The following BIRC6 variants were observed in gnomAD, a reference collection of about 807,000 sequenced individuals.
BIRC6 encodes the protein baculoviral IAP repeat containing 6.
A neutral mutation model predicts 503.3 loss-of-function variants in BIRC6; 98 were observed. The ratio of observed to expected loss-of-function variants is 0.19; its 90% confidence interval spans 0.17 to 0.23. The LOEUF is 0.23. Among genes scored for constraint, BIRC6 ranks in the 10% least tolerant of loss-of-function variants. The pLI is 1.00. For missense variants in BIRC6, 5,360 were observed against 5,806.0 expected (o/e 0.92, Z 2.50); for synonymous variants, 2,240 against 2,078.7 (o/e 1.08, Z -2.11).
At chr2:32,383,212 A>G (rs2037942290) in intron 3 of BIRC6, among the ~76,000 whole-genome samples, 1 of 149,394 alleles carries the variant, frequency 6.7e-6, no homozygotes, top group Non-Finnish European at 1.5e-5. Flanking sequence ...ACGCCTGGCT[A>G]ACTTTTGTAT....
chr2:32,466,275 G>T (rs1409060383), intron 26 of BIRC6, among the ~76,000 whole-genome samples: 9 of 152,162 alleles, frequency 5.9e-5, no homozygotes, highest in Non-Finnish European at 1.2e-4. Flanking sequence ...AAAGAATTAT[G>T]ACATTATTAA....
chr2:32,375,743 C>CTCTT (rs1432305814), intron 1 of BIRC6, among the ~76,000 whole-genome samples: 3 of 138,386 alleles, frequency 2.2e-5, no homozygotes, highest in Non-Finnish European at 4.7e-5. Flanking sequence ...CTTTCTCTCT[C>CTCTT]TTTTTTTTTT....
chr2:32,594,926 T>C, intron 67 of BIRC6, 108 bp from the exon 68 acceptor site: 3 of 623,374 alleles, frequency 4.8e-6, no homozygotes, highest in Non-Finnish European at 7.7e-6. Context: ...GTTGACAATT[T>C]TTTGGAATTC....
intron 32 of BIRC6, among the ~76,000 whole-genome samples, chr2:32,471,756 CAGT>C (rs1053022292): frequency 6.6e-6 from 1 of 151,948 alleles, no homozygotes; most frequent in Non-Finnish European, 1.5e-5. Flanking sequence ...TACCTAAATC[CAGT>C]ATGTAAGCCA....
chr2:32,366,908 G>A (rs914411293), intron 1 of BIRC6, among the ~76,000 whole-genome samples: 2 of 152,076 alleles, frequency 1.3e-5, no homozygotes, highest in Admixed American at 6.6e-5. Flanking sequence ...CTTGAGTCCA[G>A]CACTTCAGGC....
At chr2:32,568,540 T>A (rs1573067810) in intron 65 of BIRC6, among the ~76,000 whole-genome samples, 1 of 151,352 alleles carries the variant, frequency 6.6e-6, no homozygotes, top group African/African-American at 2.4e-5. Context: ...TGTAAAGTTA[T>A]TTTTTAGAAG....
At chr2:32,389,261 A>G (rs1372678446) in intron 4 of BIRC6, among the ~76,000 whole-genome samples, 1 of 152,090 alleles carries the variant, frequency 6.6e-6, no homozygotes, top group Non-Finnish European at 1.5e-5. Flanking sequence ...TACTATAATT[A>G]TTTAATGATT....
At chr2:32,528,186 G>A (rs575396180) in intron 59 of BIRC6, 3 of 151,756 alleles carry the variant, frequency 2.0e-5, no homozygotes, top group East Asian at 3.9e-4. Context: ...AGCATCATAG[G>A]TGAAGACTGA....
At chr2:32,449,411 T>A (rs764353429) in intron 22 of BIRC6, among the ~76,000 whole-genome samples, 3 of 152,224 alleles carry the variant, frequency 2.0e-5, no homozygotes, top group Non-Finnish European at 4.4e-5. Flanking sequence ...ACGTATATCC[T>A]TTTATACTTT....
intron 69 of BIRC6, among the ~76,000 whole-genome samples, chr2:32,599,185 C>T (rs1444257587): frequency 6.6e-6 from 1 of 151,676 alleles, no homozygotes; most frequent in Non-Finnish European, 1.5e-5. Context: ...AAAAATTAGC[C>T]AGGCATGGTG....
chr2:32,568,636 T>C (rs994513279), intron 65 of BIRC6, among the ~76,000 whole-genome samples: 7 of 151,446 alleles, frequency 4.6e-5, no homozygotes, highest in Non-Finnish European at 8.8e-5. Context: ...TTGAGATCTG[T>C]AGTTCGAGAC....
rs1228197020 is a variant in BIRC6, at chr2:32,525,520, A to T, written c.11812A>T (p.Arg3938Trp). The T allele has an allele frequency of 6.2e-7, 1 of 1,613,830 alleles. No homozygotes were observed. Among genetic ancestry groups the T allele is most frequent in the Non-Finnish European group, 8.5e-7 (1 of 1,179,842 alleles). Residue 3938 changes from arginine to tryptophan, a missense_variant, in exon 59 of 74, where the codon AGG becomes TGG. Transcript: ENST00000421745. Reference sequence around the variant, plus strand: ...AGCTACACCACCTCGCCCACCATCCAGGAGGGGGAGGACAATACCTGATAA... The same window carrying T: ...AGCTACACCACCTCGCCCACCATCCTGGAGGGGGAGGACAATACCTGATAA... ...VSATPPRPPS[R>W]RGRTIPDKIG...
rs776559482 is a variant in BIRC6, at chr2:32,515,144, C to A, written c.10723C>A (p.His3575Asn). Reference protein sequence around the residue: ...GITPPPVQCHHRLSMTDDSKK... With the variant: ...GITPPPVQCHNRLSMTDDSKK... ...TACCCCTCCTCCAGTGCAATGTCAT[C>A]ATAGACTGTCCATGACAGATGATAG... Residue 3575 changes from histidine (H) to asparagine (N), a missense_variant, in exon 55 of 74, where the codon CAT (histidine) becomes AAT (asparagine). Transcript: ENST00000421745. 3.1e-6 allele frequency: 5 copies of A among 1,613,846 alleles called. No homozygotes were observed. The East Asian group carries it at 1.1e-4, about 36-fold the overall frequency.
chr2:32,601,382 G>A (rs1173520047), intron 70 of BIRC6, among the ~76,000 whole-genome samples: 1 of 152,158 alleles, frequency 6.6e-6, no homozygotes, highest in Non-Finnish European at 1.5e-5. Flanking sequence ...GGGAGTTTTA[G>A]ACCAGCCTGA....
intron 1 of BIRC6, 116 bp from the exon 2 acceptor site, chr2:32,377,472 C>A: frequency 9.3e-6 from 7 of 752,594 alleles, no homozygotes; most frequent in East Asian, 3.5e-5. Context: ...GAAGTTTTTT[C>A]CAGTTTAAGA....
At position 32,604,169 on chromosome 2, in the gene BIRC6, T is replaced by C. The variant is rs184120324; in HGVS notation, c.14070+1086T>C. 2.0e-5 allele frequency among the ~76,000 whole-genome samples: 3 copies of C among 152,318 alleles called. No individual in the cohort carries two copies. The East Asian group carries it at 5.8e-4, about 29-fold the overall frequency. ...CATCCTGTAACACAAGTAGATCTTA[T>C]GCCCCTTTTACAGATGATGAAAATA... On this transcript the variant is annotated intron_variant, in intron 71 of 73. Coordinates refer to ENST00000421745, the MANE Select transcript of BIRC6 (RefSeq NM_016252.4).
At position 32,377,579 on chromosome 2, in the gene BIRC6, T is replaced by C. The variant is rs1291121203; in HGVS notation, c.326-9T>C. 6.3e-7 allele frequency: 1 copy of C among 1,592,538 alleles called. No individual in the cohort carries two copies. On this transcript the variant is annotated splice_polypyrimidine_tract_variant and intron_variant, in intron 1 of 73. Transcript: ENST00000421745. ...AATCTTAAGTGTTGAATTTTTGTTC[T>C]TTTAACAGCTAAACCAGGTGGACAG...
intron 53 of BIRC6, among the ~76,000 whole-genome samples, chr2:32,512,657 A>C (rs72855966): frequency 0.015 from 2,339 of 152,274 alleles, 40 homozygotes; most frequent in African/African-American, 0.033. Flanking sequence ...GACTTTGCAC[A>C]ATGAAGAATT....
chr2:32,461,016 T>C (rs1315235301), intron 23 of BIRC6, among the ~76,000 whole-genome samples: 3 of 60,206 alleles, frequency 5.0e-5, no homozygotes, highest in Non-Finnish European at 1.1e-4. Flanking sequence ...TCTTCTCTTC[T>C]CTTCTCTTCT....
Sources: allele counts gnomAD v4.1 joint callset (sites outside exome capture counted in the v4.1 genomes callset), GRCh38; gene constraint gnomAD v4.1.1; transcripts MANE v1.5; gene names NCBI Gene and HGNC (gene_info 2026-07-23, HGNC 2026-07-21).